The following FUT9 variants were observed in gnomAD, a reference collection of about 807,000 sequenced individuals.
The protein encoded by FUT9 is 4-galactosyl-N-acetylglucosaminide 3-alpha-L-fucosyltransferase 9.
In FUT9, 15 loss-of-function variants were observed where a neutral mutation model predicts 29.7. The observed-to-expected ratio is 0.51, with a 90% confidence interval of 0.34 to 0.78. The LOEUF (loss-of-function observed/expected upper bound fraction) is 0.78, where lower values mean the gene tolerates loss of function less well. Among genes scored for constraint, FUT9 ranks in the 30% least tolerant of loss-of-function variants. FUT9 has a pLI of 0.01. For missense variants in FUT9, 319 were observed against 425.4 expected (o/e 0.75, Z 2.20); for synonymous variants, 169 against 153.7 (o/e 1.10, Z -0.74).
At chr6:96,199,328 CTTTT>C (rs1281137528) in intron 2 of FUT9, among the ~76,000 whole-genome samples, 2 of 151,986 alleles carry the variant, frequency 1.3e-5, no homozygotes, top group African/African-American at 4.8e-5. Context: ...AAGAGGCAAA[CTTTT>C]TTTGACAGTT....
chr6:96,020,286 T>C (rs1462961623), intron 1 of FUT9, among the ~76,000 whole-genome samples: 2 of 152,162 alleles, frequency 1.3e-5, no homozygotes, highest in African/African-American at 4.8e-5. Flanking sequence ...TTATAGACAA[T>C]TGACTGAAAA....
At chr6:96,067,187 A>G (rs1413785260) in intron 1 of FUT9, among the ~76,000 whole-genome samples, 1 of 123,682 alleles carries the variant, frequency 8.1e-6, no homozygotes, top group Non-Finnish European at 1.7e-5. Flanking sequence ...TAAACTCATT[A>G]GGCTATGAAT....
chr6:96,144,829 T>C (rs917479630), intron 2 of FUT9, among the ~76,000 whole-genome samples: 1 of 152,122 alleles, frequency 6.6e-6, no homozygotes, highest in African/African-American at 2.4e-5. Context: ...GTATAATCAG[T>C]ATTTATGGGA....
At chr6:96,124,402 G>A (rs1003150988) in intron 2 of FUT9, among the ~76,000 whole-genome samples, 2 of 151,894 alleles carry the variant, frequency 1.3e-5, no homozygotes, top group Admixed American at 6.6e-5. Context: ...AGCCCACCTC[G>A]GCCTCCCAAA....
intron 1 of FUT9, among the ~76,000 whole-genome samples, chr6:96,108,953 C>T (rs1771746398): frequency 6.6e-6 from 1 of 151,962 alleles, no homozygotes; most frequent in Non-Finnish European, 1.5e-5. Context: ...TGGCCATAAC[C>T]CCTACCAACT....
chr6:96,190,805 C>T (rs1423015905), intron 2 of FUT9, among the ~76,000 whole-genome samples: 1 of 152,134 alleles, frequency 6.6e-6, no homozygotes, highest in African/African-American at 2.4e-5. Context: ...GTTAGCCATT[C>T]ATTTAATCTT....
intron 2 of FUT9, among the ~76,000 whole-genome samples, chr6:96,145,386 G>A (rs1388056007): frequency 2.0e-5 from 3 of 152,120 alleles, no homozygotes; most frequent in Non-Finnish European, 4.4e-5. Context: ...CCATTAAACA[G>A]ACATTACTGA....
At chr6:96,017,896 T>A (rs1032929624) in intron 1 of FUT9, among the ~76,000 whole-genome samples, 1 of 152,192 alleles carries the variant, frequency 6.6e-6, no homozygotes, top group Non-Finnish European at 1.5e-5. Flanking sequence ...TGAGCCATCA[T>A]CTAGGGAATT....
At chr6:96,099,945 G>A (rs1045204149) in intron 1 of FUT9, among the ~76,000 whole-genome samples, 4 of 152,090 alleles carry the variant, frequency 2.6e-5, no homozygotes, top group African/African-American at 9.7e-5. Flanking sequence ...CAACAAAAAG[G>A]TCAATGGAAT....
intron 1 of FUT9, among the ~76,000 whole-genome samples, chr6:96,073,258 G>A (rs768916749): frequency 3.3e-5 from 5 of 152,014 alleles, no homozygotes; most frequent in African/African-American, 4.8e-5. Flanking sequence ...AGACCAGCCT[G>A]GTCAATATGG....
At chr6:96,094,168 A>C (rs1251385962) in intron 1 of FUT9, among the ~76,000 whole-genome samples, 1 of 152,162 alleles carries the variant, frequency 6.6e-6, no homozygotes. Context: ...AAAAGATTAC[A>C]TGAAAAATTC....
chr6:96,072,728 A>AT (rs1370349212), intron 1 of FUT9, among the ~76,000 whole-genome samples: 1 of 152,162 alleles, frequency 6.6e-6, no homozygotes, highest in African/African-American at 2.4e-5. Context: ...GTGAAAGAAG[A>AT]TTTTTTAAAG....
chr6:96,086,130 AG>A (rs1771312331), intron 1 of FUT9, among the ~76,000 whole-genome samples: 1 of 152,188 alleles, frequency 6.6e-6, no homozygotes, highest in South Asian at 2.1e-4. Flanking sequence ...TCTGAATCAC[AG>A]GCTGCACATA....
At chr6:96,083,808 C>A (rs1159754267) in intron 1 of FUT9, among the ~76,000 whole-genome samples, 1 of 151,978 alleles carries the variant, frequency 6.6e-6, no homozygotes, top group Non-Finnish European at 1.5e-5. Context: ...GTACTGCGTT[C>A]GATATAATAG....
chr6:96,088,815 G>C (rs1401183718), intron 1 of FUT9, among the ~76,000 whole-genome samples: 5 of 132,106 alleles, frequency 3.8e-5, no homozygotes, highest in Admixed American at 1.4e-4. Context: ...CCAATTCCTT[G>C]CATGACTGGC....
intron 2 of FUT9, among the ~76,000 whole-genome samples, chr6:96,134,288 C>A (rs1432323360): frequency 6.6e-6 from 1 of 151,756 alleles, no homozygotes; most frequent in Admixed American, 6.6e-5. Flanking sequence ...GAAATCATAC[C>A]ATACATAATT....
chr6:96,200,519 G>T (rs1466020413), intron 2 of FUT9, among the ~76,000 whole-genome samples: 1 of 152,092 alleles, frequency 6.6e-6, no homozygotes, highest in African/African-American at 2.4e-5. Flanking sequence ...AATGATGTGT[G>T]TAAAATGCTT....
intron 1 of FUT9, among the ~76,000 whole-genome samples, chr6:96,058,110 CCTT>C (rs1368780893): frequency 6.6e-6 from 1 of 151,990 alleles, no homozygotes; most frequent in African/African-American, 2.4e-5. Context: ...TAACTGATCT[CCTT>C]ATTTCAGAGC....
At position 96,208,640 on chromosome 6, in the gene FUT9, T is replaced by C. The variant is rs955803202; in HGVS notation, c.*4405T>C. 7 of 166,772 alleles carry C rather than the reference T, an allele frequency of 4.2e-5. No individual in the cohort carries two copies. Among genetic ancestry groups the C allele is most frequent in the Non-Finnish European group, 8.8e-5 (6 of 67,992 alleles). 10.3% of individuals were successfully genotyped at this position (166,772 alleles called of 1,614,324 possible). ...TGCAAAAGGAAGGCATTTTAATTCC[T>C]TTCTATCTTACAACATTGTAAAGCA... On this transcript the variant is annotated 3_prime_UTR_variant, in exon 3 of 3. Transcript: ENST00000302103.
Sources: gnomAD v4.1 joint callset for allele counts (sites outside exome capture counted in the v4.1 genomes callset) on GRCh38, gnomAD v4.1.1 for gene constraint, MANE v1.5 for transcripts, NCBI Gene and HGNC (gene_info 2026-07-23, HGNC 2026-07-21) for gene names.